The following P2RY8 variants were observed in gnomAD, a reference collection of about 807,000 sequenced individuals.
P2RY8 encodes S-geranylgeranyl-glutathione receptor P2RY8.
A neutral mutation model predicts 10.0 loss-of-function variants in P2RY8; 6 were observed. The observed-to-expected ratio is 0.60, with a 90% CI of 0.33 to 1.19. The LOEUF (loss-of-function observed/expected upper bound fraction) is 1.19, where lower values mean the gene tolerates loss of function less well. Among genes scored for constraint, P2RY8 ranks in the 50% most tolerant of loss-of-function variants. The probability of loss-of-function intolerance (pLI) is 0.04; values close to 1 mark genes in which losing one functional copy is unlikely to be tolerated. For missense variants in P2RY8, 456 were observed against 542.0 expected (o/e 0.84, Z 1.58); for synonymous variants, 276 against 252.5 (o/e 1.09, Z -0.88).
chrX:1,501,512 C>T (rs2092178793), intron 1 of P2RY8, among the ~76,000 whole-genome samples: 1 of 152,140 alleles, frequency 6.6e-6, no homozygotes, highest in Admixed American at 6.5e-5. Context: ...CAGGTGCTCA[C>T]CACCATGGCT....
At chrX:1,513,024 C>T (rs1225949141) in intron 1 of P2RY8, among the ~76,000 whole-genome samples, 1 of 149,622 alleles carries the variant, frequency 6.7e-6, no homozygotes, top group Non-Finnish European at 1.5e-5. Context: ...TCCCCTTGCC[C>T]CCCCACCCCC....
intron 1 of P2RY8, among the ~76,000 whole-genome samples, chrX:1,530,053 T>C (rs1398071113): frequency 1.3e-5 from 2 of 152,026 alleles, no homozygotes; most frequent in Admixed American, 1.3e-4. Context: ...GCTTTTAGTA[T>C]AGAGAATCTC....
At chrX:1,482,201 A>G (rs2091942761) in intron 1 of P2RY8, among the ~76,000 whole-genome samples, 1 of 112,002 alleles carries the variant, frequency 8.9e-6, no homozygotes, top group South Asian at 3.7e-4. Context: ...ATGGGTGAGG[A>G]TGTCTCAACA....
At chrX:1,500,149 C>T (rs1396997968) in intron 1 of P2RY8, among the ~76,000 whole-genome samples, 1 of 151,916 alleles carries the variant, frequency 6.6e-6, no homozygotes, top group South Asian at 2.1e-4. Context: ...TGAGCCACCG[C>T]GCCCGGCCTG....
intron 1 of P2RY8, among the ~76,000 whole-genome samples, chrX:1,471,209 T>C (rs1415614970): frequency 2.6e-5 from 4 of 152,030 alleles, no homozygotes; most frequent in Non-Finnish European, 2.9e-5. Flanking sequence ...GGTTTCACCA[T>C]GTTGGCCAGG....
intron 1 of P2RY8, among the ~76,000 whole-genome samples, chrX:1,498,349 T>G: frequency 7.7e-6 from 1 of 130,506 alleles, no homozygotes; most frequent in Admixed American, 9.2e-5. Context: ...GAGCTTGCAG[T>G]GAGCCGAGAT....
intron 1 of P2RY8, among the ~76,000 whole-genome samples, chrX:1,473,985 GGATGCATGGA>G (rs1411291631): frequency 6.6e-6 from 1 of 151,328 alleles, no homozygotes; most frequent in African/African-American, 2.4e-5. Context: ...GTGGATGGAC[GGATGCATGGA>G]TGAGTGGATG....
rs768240825 is a variant in P2RY8, at chrX:1,499,919, T to C, written c.-24-33337A>G. ...TGTGGCCCAGGCTGGAGTGCAGTGG[T>C]GTGATCTCAGCTCACTGCAAGCTCC... is the stretch of plus-strand genomic sequence containing the variant. On this transcript the variant is annotated intron_variant, in intron 1 of 1. Coordinates refer to ENST00000381297, the MANE Select transcript of P2RY8 (RefSeq NM_178129.5). 3.3e-4 allele frequency among the ~76,000 whole-genome samples: 50 copies of C among 150,272 alleles called. No homozygotes were observed. In the South Asian group the frequency reaches 4.5e-3, roughly 13 times the overall value.
At chrX:1,504,784 C>G (rs1374034636) in intron 1 of P2RY8, among the ~76,000 whole-genome samples, 3 of 150,986 alleles carry the variant, frequency 2.0e-5, no homozygotes, top group Admixed American at 6.6e-5. Flanking sequence ...GTCAGGAGTT[C>G]GAGGCCAGCC....
Position 1,465,802 on chromosome X carries a change from TG to T in P2RY8, c.756del (p.Asn253ThrfsTer10). 6.2e-7 allele frequency: 1 copy of T among 1,613,332 alleles called. No individual in the cohort carries two copies. The highest frequency in any genetic ancestry group is 8.5e-7 in the Non-Finnish European group (1 of 1,179,812). On this transcript the variant is annotated frameshift_variant, in exon 2 of 2. Coordinates refer to ENST00000381297, the MANE Select transcript of P2RY8 (RefSeq NM_178129.5). LOFTEE classifies it high-confidence loss of function. ...ATGTGCGCCAGGAGCACGAAGTTGTTGGGGGCGAAGCAGGTGACAAAGGCCA... is the reference window on the plus strand; with the variant it reads ...ATGTGCGCCAGGAGCACGAAGTTGTTGGGGCGAAGCAGGTGACAAAGGCCA... ...VLLAFVTCFA[P>X]NNFVLLAHIV...
intron 1 of P2RY8, among the ~76,000 whole-genome samples, chrX:1,529,387 A>T (rs2092458897): frequency 6.6e-6 from 1 of 151,968 alleles, no homozygotes; most frequent in Non-Finnish European, 1.5e-5. Flanking sequence ...CTCTGGAAGG[A>T]TCATCTTGTC....
chrX:1,475,475 G>A (rs1225943952), intron 1 of P2RY8, among the ~76,000 whole-genome samples: 1 of 152,054 alleles, frequency 6.6e-6, no homozygotes, highest in Non-Finnish European at 1.5e-5. Context: ...TGGTCTCCAG[G>A]ATGGGGAGAG....
chrX:1,500,201 A>G (rs1390987669), intron 1 of P2RY8, among the ~76,000 whole-genome samples: 12 of 151,542 alleles, frequency 7.9e-5, no homozygotes, highest in African/African-American at 2.9e-4. Context: ...CGGTGTACAA[A>G]TCTACTTTCA....
intron 1 of P2RY8, among the ~76,000 whole-genome samples, chrX:1,516,264 T>C (rs747097265): frequency 7.0e-6 from 1 of 141,896 alleles, no homozygotes; most frequent in South Asian, 2.3e-4. Context: ...ACTCCCTCCT[T>C]CTCTCCCTCC....
intron 1 of P2RY8, among the ~76,000 whole-genome samples, chrX:1,494,940 A>T (rs1170744962): frequency 4.8e-5 from 7 of 147,138 alleles, no homozygotes; most frequent in Admixed American, 1.4e-4. Context: ...CTGGTCTTGA[A>T]CTCCTGACCT....
intron 1 of P2RY8, among the ~76,000 whole-genome samples, chrX:1,489,061 T>C (rs1387881172): frequency 6.6e-6 from 1 of 151,500 alleles, no homozygotes; most frequent in Non-Finnish European, 1.5e-5. Context: ...CAGAGATTCA[T>C]TCCCACAAAT....
intron 1 of P2RY8, among the ~76,000 whole-genome samples, chrX:1,508,732 A>C: frequency 7.1e-6 from 1 of 140,786 alleles, no homozygotes; most frequent in Middle Eastern, 4.1e-3. Flanking sequence ...CTATCTATCT[A>C]TCTATCTATC....
In P2RY8 at chrX:1,466,130, C is replaced by A; in HGVS notation, c.429G>T (p.Ala143=). 1 of 1,611,550 alleles carries A rather than the reference C, an allele frequency of 6.2e-7. No homozygotes were observed. The highest frequency in any genetic ancestry group is 8.5e-7 in the Non-Finnish European group (1 of 1,179,336). ...GGAGCAGCAGCCAGGTCCCTGCACA[C>A]GCGGCCACCGCGTAACGACGGCGGC... ...RWRRRRYAVA[A]CAGTWLLLLT... is the part of the protein sequence containing the mutation. The change falls in exon 2 of 2, where the codon GCG becomes GCT. Residue 143 remains alanine, a synonymous_variant. Transcript: ENST00000381297.
At chrX:1,529,064 G>A (rs111572591) in intron 1 of P2RY8, among the ~76,000 whole-genome samples, 3,516 of 152,200 alleles carry the variant, frequency 0.023, 155 homozygotes, top group African/African-American at 0.081. Flanking sequence ...TTTAGTCCTC[G>A]GGCAGATAAG....
Sources: allele counts gnomAD v4.1 joint callset (sites outside exome capture counted in the v4.1 genomes callset), GRCh38; gene constraint gnomAD v4.1.1; transcripts MANE v1.5; gene names NCBI Gene and HGNC (gene_info 2026-07-23, HGNC 2026-07-21).